MYOF: variants seen among roughly 807,000 people sequenced by gnomAD.
MYOF encodes the protein fer-1-like 3, myoferlin.
MYOF carries 244 observed loss-of-function variants against 284.2 expected under a neutral mutation model. The ratio of observed to expected loss-of-function variants is 0.86; its 90% CI spans 0.77 to 0.95. The LOEUF (loss-of-function observed/expected upper bound fraction) is 0.95. MYOF is among the 40% of genes least tolerant of loss of function. The pLI, the probability that MYOF is intolerant of heterozygous loss-of-function variation, is 0.00. For missense variants in MYOF, 2,496 were observed against 2,560.6 expected, an observed-to-expected ratio of 0.97 and a Z score of 0.54; for synonymous variants, 904 against 919.7, an observed-to-expected ratio of 0.98 and a Z score of 0.31.
chr10:93,349,390 C>A (rs1301666685), intron 36 of MYOF, among the ~76,000 whole-genome samples: 1 of 152,194 alleles, frequency 6.6e-6, no homozygotes, highest in Non-Finnish European at 1.5e-5. Context: ...ACCCCATATA[C>A]CTTCCCCCAC....
At chr10:93,387,505 G>A (rs1413563158) in intron 19 of MYOF, among the ~76,000 whole-genome samples, 2 of 152,222 alleles carry the variant, frequency 1.3e-5, no homozygotes, top group African/African-American at 4.8e-5. Flanking sequence ...AGTAGAGGTG[G>A]CACCTACAGC....
At chr10:93,404,778 C>T (rs1847477018) in intron 7 of MYOF, among the ~76,000 whole-genome samples, 2 of 152,032 alleles carry the variant, frequency 1.3e-5, no homozygotes, top group Non-Finnish European at 2.9e-5. Flanking sequence ...CTATTAGTGT[C>T]TAGTGACTCT....
chr10:93,369,110 C>CTTTTTTTTTTTTTTTTTTTT lies in MYOF; in HGVS notation c.2589+515_2589+534dup, dbSNP rs66923086. Among the ~76,000 whole-genome samples, 17 of 78,312 alleles carry CTTTTTTTTTTTTTTTTTTTT rather than the reference C, an allele frequency of 2.2e-4. 3 individuals carry two copies. Among genetic ancestry groups the CTTTTTTTTTTTTTTTTTTTT allele is most frequent in the African/African-American group, 1.0e-3 (16 of 15,448 alleles). 51.4% of individuals were successfully genotyped at this position (78,312 alleles called of 152,430 possible). A position where few individuals can be genotyped will look rare whatever the true frequency, so the allele number is the denominator to read the frequency against. ...TATTGTTTTAGAAGTATTCAGACAG[C>CTTTTTTTTTTTTTTTTTTTT]TTTTTTTTTTTTTTTTTTTTTTGCC... On this transcript the variant is annotated intron_variant, in intron 25 of 53. Transcript: ENST00000359263.
At chr10:93,342,708 A>G (rs1395100202) in intron 38 of MYOF, among the ~76,000 whole-genome samples, 3 of 152,214 alleles carry the variant, frequency 2.0e-5, no homozygotes, top group Non-Finnish European at 4.4e-5. Flanking sequence ...AAGGCATGTA[A>G]TAAGAATTGA....
At chr10:93,384,485 A>C (rs529429092) in intron 19 of MYOF, among the ~76,000 whole-genome samples, 2 of 152,242 alleles carry the variant, frequency 1.3e-5, no homozygotes, top group South Asian at 4.2e-4. Context: ...TCTACTAAAA[A>C]TACAAAAAAT....
chr10:93,449,603 G>T (rs186378959), intron 3 of MYOF, among the ~76,000 whole-genome samples: 1 of 152,138 alleles, frequency 6.6e-6, no homozygotes, highest in Non-Finnish European at 1.5e-5. Context: ...TAAAAAGCTA[G>T]AATAGTTTCC....
intron 12 of MYOF, among the ~76,000 whole-genome samples, chr10:93,400,397 C>T (rs1847222720): frequency 6.7e-6 from 1 of 150,180 alleles, no homozygotes; most frequent in African/African-American, 2.5e-5. Context: ...AACTTTTGGC[C>T]TCAAGCAGTG....
At chr10:93,449,563 A>T (rs1462104367) in intron 3 of MYOF, among the ~76,000 whole-genome samples, 1 of 152,254 alleles carries the variant, frequency 6.6e-6, no homozygotes, top group Non-Finnish European at 1.5e-5. Flanking sequence ...ATCATATAAT[A>T]GTTCGCAGCT....
In MYOF at chr10:93,387,874, A is replaced by T. The variant is rs765429938; in HGVS notation, c.1621T>A (p.Leu541Ile). Residue 541 changes from leucine to isoleucine, a missense_variant, in exon 19 of 54, where the codon TTA (leucine) becomes ATA (isoleucine). This residue lies in a region of MYOF where 2,436 missense variants were observed against 2,480.7 expected (regional missense o/e 0.98). Transcript: ENST00000359263. ...GGTGTCTTCTCAAGAAAAGTGGCTA[A>T]TTCAACCAAGATCCTGCCTCTGTAG... ...VAYRGRILVE[L>I]ATFLEKTPPD... The T allele has an allele frequency of 6.2e-7, 1 of 1,614,116 alleles. No homozygotes were observed. Among genetic ancestry groups the T allele is most frequent in the Non-Finnish European group, 8.5e-7 (1 of 1,180,014 alleles).
rs1460814836 is a variant in MYOF at position 93,402,738 on chromosome 10, TAAA to T, written c.874+119_874+121del. 1.3e-5 allele frequency: 11 copies of T among 844,928 alleles called. No individual in the cohort carries two copies. In the East Asian group the frequency reaches 2.4e-4, roughly 19 times the overall value. The allele number at this position is 844,928 out of a possible 1,614,324, so 52.3% of individuals were successfully genotyped here. A position where few individuals can be genotyped will look rare whatever the true frequency, so the allele number is the denominator to read the frequency against. On this transcript the variant is annotated intron_variant, in intron 10 of 53. Transcript: ENST00000359263. ...TCTCCCTCATTAAGAAAATATTTTT[TAAA>T]AAATTCCTTTAACTTTAATTCTTTG...
chr10:93,405,911 C>T (rs1407713118), intron 7 of MYOF, among the ~76,000 whole-genome samples: 2 of 150,818 alleles, frequency 1.3e-5, no homozygotes, highest in Non-Finnish European at 2.9e-5. Context: ...AATTCTCCTG[C>T]CTCAACCTCC....
At chr10:93,422,309 G>A (rs946603966) in intron 5 of MYOF, among the ~76,000 whole-genome samples, 6 of 152,282 alleles carry the variant, frequency 3.9e-5, no homozygotes, top group South Asian at 2.1e-4. Context: ...AAGAACTTCC[G>A]TGGGAGAGCT....
At chr10:93,388,797 A>G (rs1160786617) in intron 18 of MYOF, among the ~76,000 whole-genome samples, 1 of 152,238 alleles carries the variant, frequency 6.6e-6, no homozygotes, top group Non-Finnish European at 1.5e-5. Flanking sequence ...TTATTAGGAA[A>G]GAGAGCCAGC....
chr10:93,423,095 T>C (rs1254254820), intron 5 of MYOF, among the ~76,000 whole-genome samples: 2 of 152,086 alleles, frequency 1.3e-5, no homozygotes, highest in Admixed American at 1.3e-4. Flanking sequence ...GGAAATAAGG[T>C]TTCTGTACAG....
chr10:93,389,527 G>A (rs1351657152), intron 17 of MYOF, among the ~76,000 whole-genome samples: 1 of 152,158 alleles, frequency 6.6e-6, no homozygotes, highest in Non-Finnish European at 1.5e-5. Context: ...TCACTTAAAT[G>A]ACATATTTTA....
rs1424467404 is a variant in MYOF, at chr10:93,436,172, T to A, written c.237-4656A>T. On this transcript the variant is annotated intron_variant, in intron 3 of 53. Coordinates refer to ENST00000359263, the MANE Select transcript of MYOF (RefSeq NM_013451.4). ...GTAATACAATAGTGGGGCTTATGGT[T>A]AACTGGAAAGAGCAGGCTTACCTAA... Among the ~76,000 whole-genome samples, 4 of 152,106 alleles carry A rather than the reference T, an allele frequency of 2.6e-5. No homozygotes were observed. The East Asian group carries it at 7.7e-4, about 29-fold the overall frequency.
chr10:93,307,806 GTA>G (rs1842188855), intron 53 of MYOF, among the ~76,000 whole-genome samples: 1 of 150,242 alleles, frequency 6.7e-6, no homozygotes, highest in Non-Finnish European at 1.5e-5. Context: ...TAAATTTTTA[GTA>G]GAGACAGGGT....
In MYOF at chr10:93,456,880, A is replaced by T. The variant is rs747132697; in HGVS notation, c.144+2T>A. On this transcript the variant is annotated splice_donor_variant, in intron 2 of 53. Coordinates refer to ENST00000359263, the MANE Select transcript of MYOF (RefSeq NM_013451.4). LOFTEE classifies it high-confidence loss of function. ...ACAAAGTTGAAAAAACAATGAAGTC[A>T]CCTCATTCCAGACAGGGTTCAATTC... 8.7e-6 allele frequency: 14 copies of T among 1,601,596 alleles called. No individual in the cohort carries two copies. In the East Asian group the frequency reaches 2.9e-4, roughly 33 times the overall value.
intron 4 of MYOF, among the ~76,000 whole-genome samples, chr10:93,430,451 A>G (rs1848791071): frequency 6.6e-6 from 1 of 151,834 alleles, no homozygotes; most frequent in South Asian, 2.1e-4. Context: ...GCATGGTGGC[A>G]CGTGCCTATA....
Sources: gnomAD v4.1 joint callset for allele counts (sites outside exome capture counted in the v4.1 genomes callset) on GRCh38, gnomAD v4.1.1 for gene constraint, gnomAD v4.1.1 regional missense constraint, MANE v1.5 for transcripts, NCBI Gene and HGNC (gene_info 2026-07-23, HGNC 2026-07-21) for gene names.